The following PALLD variants were observed in gnomAD, a reference collection of about 807,000 sequenced individuals.
PALLD encodes the protein palladin.
Under a neutral mutation model 123.5 loss-of-function variants are expected in PALLD, and 61 were observed. That is an observed-to-expected ratio of 0.49 (90% CI 0.40 to 0.61). PALLD has a LOEUF of 0.61. PALLD is among the 20% of genes least tolerant of loss of function. The pLI, the probability that PALLD is intolerant of heterozygous loss-of-function variation, is 0.00. For missense variants in PALLD, 1,273 were observed against 1,377.0 expected (o/e 0.92, Z 1.20); for synonymous variants, 465 against 496.4 (o/e 0.94, Z 0.84).
At chr4:168,770,602 C>A (rs574576846) in intron 10 of PALLD, among the ~76,000 whole-genome samples, 11 of 152,300 alleles carry the variant, frequency 7.2e-5, no homozygotes, top group African/African-American at 2.6e-4. Context: ...CTGTCTTTTT[C>A]CATTGAAGAT....
At chr4:168,660,739 C>T (rs994423172) in intron 2 of PALLD, among the ~76,000 whole-genome samples, 3 of 152,012 alleles carry the variant, frequency 2.0e-5, no homozygotes, top group Non-Finnish European at 4.4e-5. Context: ...TACTATAATC[C>T]TTTATGAACA....
At chr4:168,775,647 G>T (rs1160490674) in intron 10 of PALLD, among the ~76,000 whole-genome samples, 1 of 151,990 alleles carries the variant, frequency 6.6e-6, no homozygotes, top group African/African-American at 2.4e-5. Flanking sequence ...TTTCTTCCAG[G>T]CACACATATT....
At chr4:168,740,291 T>C (rs1051180771) in intron 10 of PALLD, among the ~76,000 whole-genome samples, 17 of 152,204 alleles carry the variant, frequency 1.1e-4, no homozygotes, top group Admixed American at 1.1e-3. Flanking sequence ...ATTTTCCTTC[T>C]GAATGCACTT....
chr4:168,687,035 A>G (rs1390952074), intron 6 of PALLD, among the ~76,000 whole-genome samples: 1 of 152,218 alleles, frequency 6.6e-6, no homozygotes, highest in Non-Finnish European at 1.5e-5. Context: ...GTGAAAAAGT[A>G]TCCAGTTGGA....
At position 168,518,245 on chromosome 4, in the gene PALLD, C is replaced by T. The variant is rs116350971; in HGVS notation, c.908+5833C>T. ...CTTCACCCCACCTCCATAAATGAGG[C>T]TGCACGTCAAGCCACCATCATCTGT... On this transcript the variant is annotated intron_variant, in intron 2 of 21. Transcript: ENST00000505667. Among the ~76,000 whole-genome samples the T allele has an allele frequency of 2.4e-3, 372 of 152,314 alleles. 1 individual carries two copies. Among genetic ancestry groups the T allele is most frequent in the African/African-American group, 8.3e-3 (346 of 41,572 alleles).
chr4:168,746,149 C>CT (rs34174362), intron 10 of PALLD, among the ~76,000 whole-genome samples: 3 of 151,910 alleles, frequency 2.0e-5, no homozygotes, highest in African/African-American at 7.3e-5. Context: ...ACATCATTTC[C>CT]TTTTTTCCCT....
chr4:168,521,027 A>C (rs939220148), intron 2 of PALLD, among the ~76,000 whole-genome samples: 1 of 152,202 alleles, frequency 6.6e-6, no homozygotes, highest in Non-Finnish European at 1.5e-5. Context: ...ACACCAAAAT[A>C]AATGTAGCTG....
intron 10 of PALLD, among the ~76,000 whole-genome samples, chr4:168,847,243 A>G (rs1746996063): frequency 6.6e-6 from 1 of 152,236 alleles, no homozygotes; most frequent in Admixed American, 6.5e-5. Context: ...ACAAGTATAC[A>G]GTACAAATTA....
chr4:168,801,720 G>A (rs1739364765), intron 10 of PALLD, among the ~76,000 whole-genome samples: 1 of 152,198 alleles, frequency 6.6e-6, no homozygotes, highest in Non-Finnish European at 1.5e-5. Flanking sequence ...TAATTAAAGG[G>A]GTTAAGATGT....
chr4:168,616,468 G>C (rs1392131801), intron 2 of PALLD, among the ~76,000 whole-genome samples: 1 of 152,152 alleles, frequency 6.6e-6, no homozygotes, highest in African/African-American at 2.4e-5. Flanking sequence ...CTCCACTGTG[G>C]ATACTACAGA....
intron 2 of PALLD, among the ~76,000 whole-genome samples, chr4:168,636,641 T>C (rs1387245915): frequency 6.6e-6 from 1 of 152,186 alleles, no homozygotes; most frequent in Non-Finnish European, 1.5e-5. Context: ...CCATTCCAGC[T>C]TAAAATTCTG....
At chr4:168,590,632 T>TAAGA (rs916400951) in intron 2 of PALLD, among the ~76,000 whole-genome samples, 2 of 152,060 alleles carry the variant, frequency 1.3e-5, no homozygotes, top group African/African-American at 4.8e-5. Context: ...CCAGTTGGAG[T>TAAGA]AAGAAACAAT....
intron 2 of PALLD, among the ~76,000 whole-genome samples, chr4:168,568,522 T>C (rs1489062448): frequency 6.6e-6 from 1 of 152,076 alleles, no homozygotes; most frequent in Non-Finnish European, 1.5e-5. Context: ...AAGAAAAACA[T>C]CTGTCTTTAA....
intron 10 of PALLD, among the ~76,000 whole-genome samples, chr4:168,798,970 G>A (rs1047660387): frequency 7.9e-5 from 12 of 152,178 alleles, no homozygotes; most frequent in African/African-American, 2.9e-4. Context: ...AACGAATCAT[G>A]AATCGGGCAG....
At chr4:168,639,759 T>C (rs994841676) in intron 2 of PALLD, among the ~76,000 whole-genome samples, 10 of 152,102 alleles carry the variant, frequency 6.6e-5, no homozygotes, top group East Asian at 1.9e-4. Context: ...TTAGCCAGGA[T>C]GGTCTCGATC....
intron 2 of PALLD, among the ~76,000 whole-genome samples, chr4:168,641,837 G>A (rs971815135): frequency 2.6e-5 from 4 of 152,172 alleles, no homozygotes; most frequent in African/African-American, 9.7e-5. Flanking sequence ...TTCACAGCCA[G>A]TTTCCCCAGA....
At chr4:168,557,375 A>G (rs1239742167) in intron 2 of PALLD, among the ~76,000 whole-genome samples, 1 of 152,144 alleles carries the variant, frequency 6.6e-6, no homozygotes, top group Non-Finnish European at 1.5e-5. Flanking sequence ...CGTTTGCCCT[A>G]TAGAGTTCCA....
intron 2 of PALLD, among the ~76,000 whole-genome samples, chr4:168,544,495 T>C (rs1458375638): frequency 6.6e-6 from 1 of 152,230 alleles, no homozygotes; most frequent in Admixed American, 6.5e-5. Context: ...CATTTAAAGA[T>C]GGGAGAGTGA....
chr4:168,608,191 G>C (rs1027339021), intron 2 of PALLD, among the ~76,000 whole-genome samples: 1 of 152,226 alleles, frequency 6.6e-6, no homozygotes, highest in African/African-American at 2.4e-5. Flanking sequence ...TGCAGAAAGA[G>C]AGATGCTTGA....
Sources: gnomAD v4.1 joint callset for allele counts (sites outside exome capture counted in the v4.1 genomes callset) on GRCh38, gnomAD v4.1.1 for gene constraint, MANE v1.5 for transcripts, NCBI Gene and HGNC (gene_info 2026-07-23, HGNC 2026-07-21) for gene names.